The following PPP3CA variants were observed in gnomAD, a reference collection of about 807,000 sequenced individuals.
The protein encoded by PPP3CA is protein phosphatase 3 catalytic subunit alpha.
PPP3CA carries 14 observed loss-of-function variants against 66.5 expected under a neutral mutation model. That is an observed-to-expected ratio of 0.21 (90% CI 0.14 to 0.33). The LOEUF (loss-of-function observed/expected upper bound fraction) is 0.33. PPP3CA is among the 10% of genes least tolerant of loss of function. The pLI is 1.00. For synonymous variants in PPP3CA, 232 were observed against 226.2 expected, an observed-to-expected ratio of 1.03 and a Z score of -0.23; for missense variants, 317 against 639.5, an observed-to-expected ratio of 0.50 and a Z score of 5.44.
intron 3 of PPP3CA, 141 bp from the exon 4 acceptor site, chr4:101,099,863 G>T (rs1578445294): frequency 2.5e-6 from 1 of 395,322 alleles, no homozygotes; most frequent in African/African-American, 2.1e-5. Context: ...TAGTAGAGAA[G>T]ATATTGACAA....
At chr4:101,236,807 G>A (rs1726145854) in intron 1 of PPP3CA, among the ~76,000 whole-genome samples, 1 of 151,766 alleles carries the variant, frequency 6.6e-6, no homozygotes, top group Non-Finnish European at 1.5e-5. Context: ...ACAGATTGAA[G>A]ACTAGTTGGC....
At chr4:101,157,522 C>T (rs1373275335) in intron 2 of PPP3CA, among the ~76,000 whole-genome samples, 1 of 152,074 alleles carries the variant, frequency 6.6e-6, no homozygotes, top group Admixed American at 6.6e-5. Flanking sequence ...GCCTGGGAGA[C>T]AGGGAGGATG....
chr4:101,291,310 C>T (rs976806056), intron 1 of PPP3CA, among the ~76,000 whole-genome samples: 23 of 152,210 alleles, frequency 1.5e-4, no homozygotes, highest in African/African-American at 5.5e-4. Flanking sequence ...GTTTAATCCA[C>T]TCTGAGCTAG....
chr4:101,324,224 A>G (rs1384009973), intron 1 of PPP3CA, among the ~76,000 whole-genome samples: 45 of 108,346 alleles, frequency 4.2e-4, no homozygotes, highest in African/African-American at 4.9e-4. Context: ...AAGGAAGGAA[A>G]GGAGGGAAGG....
intron 2 of PPP3CA, among the ~76,000 whole-genome samples, chr4:101,193,119 T>G (rs575482697): frequency 6.6e-6 from 1 of 152,370 alleles, no homozygotes; most frequent in African/African-American, 2.4e-5. Flanking sequence ...AATGTACTTA[T>G]GCTTGGTTAG....
chr4:101,061,461 T>C (rs1323609012), intron 9 of PPP3CA, among the ~76,000 whole-genome samples: 1 of 151,988 alleles, frequency 6.6e-6, no homozygotes, highest in African/African-American at 2.4e-5. Context: ...AAAGAGAAAA[T>C]AGTTTTTTTG....
intron 1 of PPP3CA, among the ~76,000 whole-genome samples, chr4:101,253,119 A>G (rs922305548): frequency 5.9e-5 from 9 of 152,198 alleles, no homozygotes; most frequent in African/African-American, 2.2e-4. Flanking sequence ...ACCAAATAAA[A>G]GACAAAACAA....
intron 3 of PPP3CA, among the ~76,000 whole-genome samples, chr4:101,106,450 A>G (rs1480954594): frequency 1.1e-3 from 12 of 11,120 alleles, no homozygotes; most frequent in South Asian, 4.6e-3. Context: ...AGAAAGAAAG[A>G]AAGAGAAAAG....
intron 2 of PPP3CA, among the ~76,000 whole-genome samples, chr4:101,194,563 T>C (rs1724723798): frequency 6.6e-6 from 1 of 152,076 alleles, no homozygotes; most frequent in African/African-American, 2.4e-5. Flanking sequence ...CTGTATACTA[T>C]ACAATTTTTT....
At position 101,080,639 on chromosome 4, in the gene PPP3CA, A is replaced by C. The variant is rs1729395133; in HGVS notation, c.861-13T>G. On this transcript the variant is annotated splice_polypyrimidine_tract_variant and intron_variant, in intron 7 of 13. Coordinates refer to ENST00000394854, the MANE Select transcript of PPP3CA (RefSeq NM_000944.5). Reference sequence around the variant, plus strand: ...GTACATGCGGTACCTAAAAAGAACAAATACAGTCAAAACAAAGCTTGTATG... The same window carrying C: ...GTACATGCGGTACCTAAAAAGAACACATACAGTCAAAACAAAGCTTGTATG... 2.8e-6 allele frequency: 4 copies of C among 1,419,948 alleles called. No individual in the cohort carries two copies. The highest frequency in any genetic ancestry group is 2.3e-5 in the East Asian group (1 of 43,018). The allele number at this position is 1,419,948 out of a possible 1,614,324, so 88.0% of individuals were successfully genotyped here.
At chr4:101,324,148 GGGAGGGA>G (rs1468932724) in intron 1 of PPP3CA, among the ~76,000 whole-genome samples, 1,271 of 125,858 alleles carry the variant, frequency 0.01, 42 homozygotes, top group African/African-American at 0.047. Context: ...AGGGAAGGAA[GGGAGGGA>G]GGAAGGAAGG....
rs201535438 is a variant in PPP3CA, at chr4:101,213,156, CAA to C, written c.59-17042_59-17041del. On this transcript the variant is annotated intron_variant, in intron 1 of 13. Coordinates refer to ENST00000394854, the MANE Select transcript of PPP3CA (RefSeq NM_000944.5). ...AGTAAAACTAGCCAGAAATTTTAATCAAAGTCATAAATATGATAGTTTTTTTA... is the reference window on the plus strand; with the variant it reads ...AGTAAAACTAGCCAGAAATTTTAATCAGTCATAAATATGATAGTTTTTTTA... 3.4e-4 allele frequency among the ~76,000 whole-genome samples: 52 copies of C among 152,176 alleles called. 1 individual carries two copies. The East Asian group carries it at 8.9e-3, about 26-fold the overall frequency.
chr4:101,264,982 A>G (rs1303288682), intron 1 of PPP3CA, among the ~76,000 whole-genome samples: 2 of 152,236 alleles, frequency 1.3e-5, no homozygotes, highest in East Asian at 3.9e-4. Context: ...AGGGGGAAGT[A>G]GCCTTCAGCT....
chr4:101,139,065 C>A (rs982365521), intron 2 of PPP3CA, among the ~76,000 whole-genome samples: 2 of 152,036 alleles, frequency 1.3e-5, no homozygotes, highest in Non-Finnish European at 2.9e-5. Context: ...GGAAACTAGG[C>A]CGGGCATGGT....
intron 3 of PPP3CA, among the ~76,000 whole-genome samples, chr4:101,102,179 C>G (rs887615232): frequency 6.7e-6 from 1 of 148,444 alleles, no homozygotes; most frequent in East Asian, 2.0e-4. Flanking sequence ...TAGTATATGA[C>G]AGGAGTTGAG....
At chr4:101,274,538 AC>A (rs1275002193) in intron 1 of PPP3CA, among the ~76,000 whole-genome samples, 1 of 152,196 alleles carries the variant, frequency 6.6e-6, no homozygotes, top group African/African-American at 2.4e-5. Context: ...AAAATACTAA[AC>A]CCACACTACA....
intron 2 of PPP3CA, among the ~76,000 whole-genome samples, chr4:101,140,034 T>C (rs549320938): frequency 6.6e-6 from 1 of 152,334 alleles, no homozygotes; most frequent in East Asian, 1.9e-4. Context: ...CAACTAATTC[T>C]GCATAGCACT....
At chr4:101,179,505 A>T (rs1318823559) in intron 2 of PPP3CA, among the ~76,000 whole-genome samples, 1 of 152,052 alleles carries the variant, frequency 6.6e-6, no homozygotes, top group African/African-American at 2.4e-5. Context: ...CCTAGACATG[A>T]TCCTGGCTGC....
At chr4:101,301,353 T>C (rs1374482920) in intron 1 of PPP3CA, among the ~76,000 whole-genome samples, 2 of 150,562 alleles carry the variant, frequency 1.3e-5, no homozygotes, top group African/African-American at 4.9e-5. Context: ...ATCTGTGTTA[T>C]GAATCACCCA....
Sources: allele counts gnomAD v4.1 joint callset (sites outside exome capture counted in the v4.1 genomes callset), GRCh38; gene constraint gnomAD v4.1.1; transcripts MANE v1.5; gene names NCBI Gene and HGNC (gene_info 2026-07-23, HGNC 2026-07-21).